The following CERS1 variants were observed in gnomAD, a reference collection of about 807,000 sequenced individuals.
The protein encoded by CERS1 is ceramide synthase 1, also known as Embryonic growth/differentiation factor 1.
A neutral mutation model predicts 35.7 loss-of-function variants in CERS1; 16 were observed. That is an observed-to-expected ratio of 0.45 (90% CI 0.30 to 0.68). The LOEUF is 0.68. Ranked by LOEUF, CERS1 falls within the 30% of genes least tolerant of loss-of-function variation. The pLI, the probability that CERS1 is intolerant of heterozygous loss-of-function variation, is 0.08. For synonymous variants in CERS1, 243 were observed against 201.6 expected (o/e 1.21, Z -1.74); for missense variants, 454 against 453.9 (o/e 1.00, Z 0.00).
chr19:18,895,573 C>T lies in CERS1; in HGVS notation c.249+251G>A, dbSNP rs924380584. Among the ~76,000 whole-genome samples, 3 of 151,952 alleles carry T rather than the reference C, an allele frequency of 2.0e-5. No individual in the cohort carries two copies. The highest frequency in any genetic ancestry group is 6.5e-5 in the Admixed American group (1 of 15,272). On this transcript the variant is annotated intron_variant, in intron 1 of 7. Transcript: ENST00000623882. The surrounding 1 kb of genome is among the most constrained non-coding windows in gnomAD (Gnocchi z 6.4). ...TGTCCCAGACTCACCCCAGCCCGGC[C>T]ACACCCCCGCATCTACCCGGTTCCC...
intron 2 of CERS1, among the ~76,000 whole-genome samples, chr19:18,890,325 T>G (rs2056459546): frequency 6.6e-6 from 1 of 152,228 alleles, no homozygotes; most frequent in African/African-American, 2.4e-5. Context: ...GTTGATAGAC[T>G]GCGTACTGCA....
Position 18,872,285 on chromosome 19 carries a change from T to C in CERS1, c.1011-1666A>G, listed in dbSNP as rs980971481. 2.0e-5 allele frequency among the ~76,000 whole-genome samples: 3 copies of C among 152,238 alleles called. 1 individual carries two copies. The South Asian group carries it at 6.2e-4, about 31-fold the overall frequency. On this transcript the variant is annotated intron_variant, in intron 6 of 7. Coordinates refer to ENST00000623882, the MANE Select transcript of CERS1 (RefSeq NM_021267.5). ...AGAAACAGCTGTCAGTATTTGCCTTTTGAGGTGTGGGTGGCGGTGTACCCA... is the reference window on the plus strand; with the variant it reads ...AGAAACAGCTGTCAGTATTTGCCTTCTGAGGTGTGGGTGGCGGTGTACCCA...
Position 18,870,431 on chromosome 19 carries a change from G to T in CERS1, c.*146C>A. The T allele has an allele frequency of 1.0e-6, 1 of 1,001,458 alleles. No homozygotes were observed. The highest frequency in any genetic ancestry group is 1.5e-6 in the Non-Finnish European group (1 of 673,590). The allele number at this position is 1,001,458 out of a possible 1,614,324, so 62.0% of individuals were successfully genotyped here. A position where few individuals can be genotyped will look rare whatever the true frequency, so the allele number is the denominator to read the frequency against. ...CTGGGGGGCGTGGCCGGGAACTGGA[G>T]GCAGGATGAGGGGGCGGGGTCCCAG... is the stretch of plus-strand genomic sequence containing the variant. On this transcript the variant is annotated 3_prime_UTR_variant, in exon 7 of 8. Transcript: ENST00000623882. This position sits in a 1 kb window ranked among gnomAD's most constrained non-coding sequence, Gnocchi z 5.1.
At chr19:18,884,319 C>T (rs1246501629) in intron 2 of CERS1, 52 bp from the exon 3 acceptor site, 5 of 1,530,840 alleles carry the variant, frequency 3.3e-6, no homozygotes, top group African/African-American at 1.4e-5. Context: ...TCTAGACGAT[C>T]GCCTCCATGA....
In CERS1 at chr19:18,875,511, C is replaced by A. The variant is rs544480740; in HGVS notation, c.1010+3419G>T. Among the ~76,000 whole-genome samples the A allele has an allele frequency of 3.3e-3, 493 of 151,616 alleles. 3 individuals are homozygous for A. Among genetic ancestry groups the A allele is most frequent in the Non-Finnish European group, 3.5e-3 (236 of 67,900 alleles). On this transcript the variant is annotated intron_variant, in intron 6 of 7. Transcript: ENST00000623882. ...TGAGCTGAGATCACACCACTGCACT[C>A]CAGCCTGGGCGACAGAGCGAGACAC...
At chr19:18,874,247 C>A (rs944229819) in intron 6 of CERS1, among the ~76,000 whole-genome samples, 3 of 152,162 alleles carry the variant, frequency 2.0e-5, no homozygotes, top group Non-Finnish European at 4.4e-5. Flanking sequence ...TGCCCAGGAA[C>A]CCTCAGGAGA....
At position 18,896,031 on chromosome 19, in the gene CERS1, C is replaced by A. The variant is rs1453391960; in HGVS notation, c.42G>T (p.Glu14Asp). ...CTAGCTGCGCGTAGCTCGGCATGGG[C>A]TCGGGCCCCGTCGGCCCCGCCGCGG... ...AGPAAGPTGP[E>D]PMPSYAQLVQ... Residue 14 changes from glutamate to aspartate, a missense_variant, in exon 1 of 8, where the codon GAG (glutamate) becomes GAT (aspartate). Physicochemically the swap from Glu to Asp is conservative, Grantham distance 45. Coordinates refer to ENST00000623882, the MANE Select transcript of CERS1 (RefSeq NM_021267.5). This position sits in a 1 kb window ranked among gnomAD's most constrained non-coding sequence, Gnocchi z 5.9. 2.0e-6 allele frequency: 2 copies of A among 995,102 alleles called. No individual in the cohort carries two copies. Among genetic ancestry groups the A allele is most frequent in the African/African-American group, 1.8e-5 (1 of 56,836 alleles). 61.6% of individuals were successfully genotyped at this position (995,102 alleles called of 1,614,324 possible).
Position 18,868,632 on chromosome 19 carries a change from C to T in CERS1, c.*1353G>A, listed in dbSNP as rs1165681939. 3.2e-6 allele frequency: 5 copies of T among 1,573,510 alleles called. No individual in the cohort carries two copies. The highest frequency in any genetic ancestry group is 4.3e-6 in the Non-Finnish European group (5 of 1,159,794). ...CCGCACTCGTCCACCACCATGTCCT[C>T]ATACTGCCGCAGCACCACGTTGTCG... On this transcript the variant is annotated 3_prime_UTR_variant, in exon 8 of 8. Transcript: ENST00000623882.
chr19:18,879,165 G>A, intron 5 of CERS1, 76 bp downstream of exon 5: 1 of 1,601,686 alleles, frequency 6.2e-7, no homozygotes, highest in Non-Finnish European at 8.5e-7. Flanking sequence ...CCCCTCCCCG[G>A]GACTGCCTGA....
Position 18,878,747 on chromosome 19 carries a change from G to T in CERS1, c.1010+183C>A. On this transcript the variant is annotated intron_variant, in intron 6 of 7. Transcript: ENST00000623882. The surrounding 1 kb of genome is among the most constrained non-coding windows in gnomAD (Gnocchi z 4.6). Reference sequence around the variant, plus strand: ...TCTCCCTCCCCTTCCTCACTGTCCTGTCCTTCAGGGTACTGGCCACATCGT... The same window carrying T: ...TCTCCCTCCCCTTCCTCACTGTCCTTTCCTTCAGGGTACTGGCCACATCGT... 1 of 1,415,172 alleles carries T rather than the reference G, an allele frequency of 7.1e-7. No individual in the cohort carries two copies. The highest frequency in any genetic ancestry group is 9.2e-7 in the Non-Finnish European group (1 of 1,083,180). The allele number at this position is 1,415,172 out of a possible 1,614,324, so 87.7% of individuals were successfully genotyped here. A position where few individuals can be genotyped will look rare whatever the true frequency, so the allele number is the denominator to read the frequency against.
chr19:18,874,233 C>G (rs1166355993), intron 6 of CERS1, among the ~76,000 whole-genome samples: 1 of 152,206 alleles, frequency 6.6e-6, no homozygotes, highest in African/African-American at 2.4e-5. Flanking sequence ...ATGGGGACAG[C>G]TGGTGCCCAG....
intron 7 of CERS1, 32 bp from the exon 8 acceptor site, chr19:18,869,422 G>A (rs757870806): frequency 6.6e-7 from 1 of 1,522,502 alleles, no homozygotes; most frequent in Admixed American, 2.0e-5. Context: ...CTCGGCTCGC[G>A]CTGCGTCCCC....
rs576080223 is a variant in CERS1, at chr19:18,895,580, C to G, written c.249+244G>C. ...GACTCACCCCAGCCCGGCCACACCC[C>G]CGCATCTACCCGGTTCCCCCACGCA... On this transcript the variant is annotated intron_variant, in intron 1 of 7. Transcript: ENST00000623882. This position sits in a 1 kb window ranked among gnomAD's most constrained non-coding sequence, Gnocchi z 6.4. Among the ~76,000 whole-genome samples the G allele has an allele frequency of 1.8e-4, 27 of 151,950 alleles. 1 individual carries two copies. Among genetic ancestry groups the G allele is most frequent in the South Asian group, 1.5e-3 (7 of 4,818 alleles).
At chr19:18,875,217 CAG>C (rs1326314503) in intron 6 of CERS1, among the ~76,000 whole-genome samples, 1 of 149,060 alleles carries the variant, frequency 6.7e-6, no homozygotes, top group East Asian at 1.9e-4. Flanking sequence ...GCGTGGGCGA[CAG>C]AGTGGGACCG....
chr19:18,879,826 AC>A (rs1257387790), intron 4 of CERS1, among the ~76,000 whole-genome samples: 1 of 21,262 alleles, frequency 4.7e-5, no homozygotes, highest in Admixed American at 6.2e-4. Flanking sequence ...CCAAGCCCCC[AC>A]CTCCTTCCCT....
intron 2 of CERS1, among the ~76,000 whole-genome samples, chr19:18,885,841 C>T (rs2056343685): frequency 6.6e-6 from 1 of 152,118 alleles, no homozygotes; most frequent in Non-Finnish European, 1.5e-5. Flanking sequence ...TAACAGAGCC[C>T]TGCCTTGCGG....
intron 3 of CERS1, among the ~76,000 whole-genome samples, chr19:18,881,171 G>A (rs1040791756): frequency 4.0e-5 from 6 of 151,466 alleles, no homozygotes; most frequent in South Asian, 2.1e-4. Context: ...CCTGGCCATC[G>A]CTGCAGGAAA....
At position 18,878,453 on chromosome 19, in the gene CERS1, C is replaced by T. The variant is rs1264929227; in HGVS notation, c.1010+477G>A. 21 of 991,728 alleles carry T rather than the reference C, an allele frequency of 2.1e-5. No homozygotes were observed. Among genetic ancestry groups the T allele is most frequent in the Non-Finnish European group, 2.5e-5 (21 of 833,516 alleles). The allele number at this position is 991,728 out of a possible 1,614,324, so 61.4% of individuals were successfully genotyped here. ...TCCTGTTTGGCCGGGCAGTGGGCTC[C>T]CCTGTCAAACTCAGAGGCCAGGATG... On this transcript the variant is annotated intron_variant, in intron 6 of 7. Coordinates refer to ENST00000623882, the MANE Select transcript of CERS1 (RefSeq NM_021267.5). This position sits in a 1 kb window ranked among gnomAD's most constrained non-coding sequence, Gnocchi z 4.6.
chr19:18,873,136 T>C (rs1299562541), intron 6 of CERS1, among the ~76,000 whole-genome samples: 2 of 152,098 alleles, frequency 1.3e-5, no homozygotes, highest in East Asian at 1.9e-4. Flanking sequence ...TTGCCCCAAA[T>C]TGCTGTCAAC....
Sources: allele counts gnomAD v4.1 joint callset (sites outside exome capture counted in the v4.1 genomes callset), GRCh38; gene constraint gnomAD v4.1.1; non-coding constraint Gnocchi (gnomAD v3.1); transcripts MANE v1.5; gene names NCBI Gene and HGNC (gene_info 2026-07-23, HGNC 2026-07-21).